MRTFB: variants seen among roughly 807,000 people sequenced by gnomAD.
MRTFB encodes myocardin-related transcription factor B.
MRTFB carries 29 observed loss-of-function variants against 104.2 expected under a neutral mutation model. The ratio of observed to expected loss-of-function variants is 0.28; its 90% CI spans 0.21 to 0.38. The LOEUF (loss-of-function observed/expected upper bound fraction) is 0.38. MRTFB is among the 10% of genes least tolerant of loss of function. The pLI is 1.00. For missense variants in MRTFB, 1,270 were observed against 1,341.6 expected (o/e 0.95, Z 0.83); for synonymous variants, 535 against 519.5 (o/e 1.03, Z -0.41).
intron 3 of MRTFB, chr16:14,200,516 T>C (rs773122177): frequency 6.8e-6 from 11 of 1,610,170 alleles, no homozygotes; most frequent in Non-Finnish European, 8.5e-6. Flanking sequence ...CTGTCTTCTC[T>C]GTGAATTGCT....
chr16:14,162,193 GCATGGTGACACATGC>G (rs1249282361), intron 3 of MRTFB, among the ~76,000 whole-genome samples: 12 of 150,470 alleles, frequency 8.0e-5, no homozygotes, highest in African/African-American at 2.9e-4. Context: ...TAATAGCCAA[GCATGGTGACACATGC>G]CTGTGGTCCC....
At chr16:14,085,301 C>G (rs1315357986) in intron 2 of MRTFB, among the ~76,000 whole-genome samples, 1 of 151,096 alleles carries the variant, frequency 6.6e-6, no homozygotes, top group Non-Finnish European at 1.5e-5. Flanking sequence ...ACTAAAAATA[C>G]AAAAAATTAG....
rs13331297 is a variant in MRTFB at position 14,177,510 on chromosome 16, G to T, written c.155-32733G>T. 0.027 allele frequency among the ~76,000 whole-genome samples: 4,057 copies of T among 152,184 alleles called. 192 individuals are homozygous for T. The highest frequency in any genetic ancestry group is 0.093 in the African/African-American group (3,846 of 41,504). ...GTGTGTCTTAAACTTAGATGATTTA[G>T]TCTTAAGTATAGCATATAATCTTAA... On this transcript the variant is annotated intron_variant, in intron 3 of 16. Coordinates refer to ENST00000571589, the MANE Select transcript of MRTFB (RefSeq NM_001308142.2). The surrounding 1 kb of genome is among the most constrained non-coding windows in gnomAD (Gnocchi z 4.7).
At chr16:14,003,690 A>C in the MRTFB span, among the ~76,000 whole-genome samples, 1 of 104,860 alleles carries the variant, frequency 9.5e-6, no homozygotes, top group African/African-American at 3.2e-5. Context: ...TCCTTCCTCT[A>C]CACTTCTTTC....
intron 2 of MRTFB, among the ~76,000 whole-genome samples, chr16:14,127,742 C>T (rs2037191767): frequency 6.6e-6 from 1 of 150,784 alleles, no homozygotes; most frequent in Admixed American, 6.6e-5. Flanking sequence ...AGCTGAGAAC[C>T]ACTCTACTCC....
intron 2 of MRTFB, among the ~76,000 whole-genome samples, chr16:14,124,294 A>G (rs1313303046): frequency 6.6e-6 from 1 of 152,146 alleles, no homozygotes; most frequent in Non-Finnish European, 1.5e-5. Context: ...AGAACTTCCA[A>G]TACTGTGTTG....
the MRTFB span, among the ~76,000 whole-genome samples, chr16:14,035,853 T>G: frequency 1.3e-5 from 2 of 151,810 alleles, no homozygotes; most frequent in Non-Finnish European, 2.9e-5. Context: ...GAACCCAATT[T>G]GTAGTCTTTT....
At chr16:14,216,528 T>C (rs1173120528) in intron 6 of MRTFB, among the ~76,000 whole-genome samples, 1 of 152,198 alleles carries the variant, frequency 6.6e-6, no homozygotes, top group Non-Finnish European at 1.5e-5. Flanking sequence ...GATGCCTGTA[T>C]ACAACCATTA....
At chr16:14,243,860 T>G (rs2042887496) in intron 10 of MRTFB, among the ~76,000 whole-genome samples, 1 of 140,874 alleles carries the variant, frequency 7.1e-6, no homozygotes, top group Non-Finnish European at 1.5e-5. Context: ...TTTGCCTGTT[T>G]TGGGTTTTTT....
intron 2 of MRTFB, among the ~76,000 whole-genome samples, chr16:14,113,619 A>G (rs1596896961): frequency 6.6e-6 from 1 of 152,186 alleles, no homozygotes; most frequent in African/African-American, 2.4e-5. Flanking sequence ...TTACTGGGAC[A>G]TTGGATAATT....
In MRTFB at chr16:14,258,152, A is replaced by G. The variant is rs750527692; in HGVS notation, c.2755A>G (p.Lys919Glu). 33 of 1,613,802 alleles carry G rather than the reference A, an allele frequency of 2.0e-5. 1 individual carries two copies. In the East Asian group the frequency reaches 7.4e-4, roughly 36 times the overall value. ...GGATGACCTCTTTGATATCCTCATT[A>G]AGAGTGGAGGTAAGTCAAAAGTCAC... The part of the protein sequence containing the change: ...QMDDLFDILI[K>E]SGEISLPIKE... The change falls in exon 16 of 17, where the codon AAG (lysine) becomes GAG (glutamate). Residue 919 changes from lysine (K) to glutamate (E), a missense_variant. Physicochemically the swap from Lys to Glu is moderately conservative, Grantham distance 56 (BLOSUM62 1). This residue lies in a region of MRTFB where 1,144 missense variants were observed against 1,131.5 expected (regional missense o/e 1.01). Coordinates refer to ENST00000571589, the MANE Select transcript of MRTFB (RefSeq NM_001308142.2).
chr16:14,174,030 T>A (rs1271463144), intron 3 of MRTFB, among the ~76,000 whole-genome samples: 1 of 152,208 alleles, frequency 6.6e-6, no homozygotes. Context: ...ATCAGAGTTG[T>A]TTGTAATTTT....
chr16:14,225,520 T>C (rs1210452761), intron 8 of MRTFB, among the ~76,000 whole-genome samples: 1 of 152,142 alleles, frequency 6.6e-6, no homozygotes, highest in African/African-American at 2.4e-5. Flanking sequence ...TATGCAAACC[T>C]ACCCCCAAAA....
chr16:14,040,895 C>T, the MRTFB span, among the ~76,000 whole-genome samples: 8 of 152,314 alleles, frequency 5.3e-5, no homozygotes, highest in African/African-American at 1.9e-4. Context: ...AGGAGAATCA[C>T]TTGAACCCAG....
chr16:14,157,316 T>C (rs776331543), intron 3 of MRTFB, among the ~76,000 whole-genome samples: 3 of 152,220 alleles, frequency 2.0e-5, no homozygotes, highest in Non-Finnish European at 4.4e-5. Flanking sequence ...ATAAAGAGTT[T>C]TGAGTGGTAG....
intron 3 of MRTFB, among the ~76,000 whole-genome samples, chr16:14,150,475 A>G (rs1169440402): frequency 6.6e-6 from 1 of 152,200 alleles, no homozygotes; most frequent in African/African-American, 2.4e-5. Flanking sequence ...GTTGATTAAC[A>G]CATATCATAT....
At chr16:14,054,239 TG>T in the MRTFB span, among the ~76,000 whole-genome samples, 1 of 152,082 alleles carries the variant, frequency 6.6e-6, no homozygotes, top group East Asian at 1.9e-4. Flanking sequence ...ATTTTTAAGA[TG>T]GAGTCTCGCT....
chr16:14,097,445 G>A lies in MRTFB; in HGVS notation c.-64+18091G>A, dbSNP rs1341658651. Among the ~76,000 whole-genome samples the A allele has an allele frequency of 2.0e-5, 3 of 152,154 alleles. No individual in the cohort carries two copies. In the East Asian group the frequency reaches 5.8e-4, roughly 29 times the overall value. ...GTGTTTATATAGAGTAAAGGTCAAA[G>A]GAAAAGGTGTATTTGAAGCAGTTAC... On this transcript the variant is annotated intron_variant, in intron 2 of 16. Transcript: ENST00000571589.
chr16:14,070,141 G>A (rs1025730155), upstream of MRTFB, among the ~76,000 whole-genome samples: 1 of 152,166 alleles, frequency 6.6e-6, no homozygotes, highest in African/African-American at 2.4e-5. Flanking sequence ...AGAACCTCCA[G>A]GGCTCCTGAT....
Sources: allele counts gnomAD v4.1 joint callset (sites outside exome capture counted in the v4.1 genomes callset), GRCh38; gene constraint gnomAD v4.1.1; regional missense constraint gnomAD v4.1.1; non-coding constraint Gnocchi (gnomAD v3.1); transcripts MANE v1.5; gene names NCBI Gene and HGNC (gene_info 2026-07-23, HGNC 2026-07-21).